Variants in TEX11 observed in about 807,000 individuals in gnomAD.
The protein encoded by TEX11 is testis-expressed protein 11.
TEX11 carries 7 observed loss-of-function variants against 84.4 expected under a neutral mutation model. The observed-to-expected ratio is 0.08, with a 90% CI of 0.05 to 0.16. The LOEUF is 0.16. TEX11 is among the 10% of genes least tolerant of loss of function. The pLI, the probability that TEX11 is intolerant of heterozygous loss-of-function variation, is 1.00. For missense variants in TEX11, 551 were observed against 660.5 expected, an observed-to-expected ratio of 0.83 and a Z score of 1.82; for synonymous variants, 264 against 222.8, an observed-to-expected ratio of 1.18 and a Z score of -1.64.
intron 13 of TEX11, among the ~76,000 whole-genome samples, chrX:70,706,579 C>A (rs2090378954): frequency 9.0e-6 from 1 of 110,892 alleles, no homozygotes; most frequent in Non-Finnish European, 1.9e-5. Flanking sequence ...TATCCTCTAA[C>A]CCCCCCTTTT....
rs368841927 is a variant in TEX11, at chrX:70,620,102, T to C, written c.1751+3848A>G. On this transcript the variant is annotated intron_variant, in intron 20 of 29. Coordinates refer to ENST00000374333, the MANE Select transcript of TEX11 (RefSeq NM_031276.3). ...GCCTCCCAAAGTGCTGGGATTACAG[T>C]TGTGAGCCACAATGCCCGGCCATGT... 5.0e-4 allele frequency among the ~76,000 whole-genome samples: 55 copies of C among 111,071 alleles called. No individual in the cohort carries two copies. The East Asian group carries it at 5.1e-3, about 10-fold the overall frequency.
chrX:70,864,622 G>A (rs1390247235), intron 4 of TEX11, among the ~76,000 whole-genome samples: 1 of 106,310 alleles, frequency 9.4e-6, no homozygotes, highest in African/African-American at 3.4e-5. Context: ...CACACCTGTA[G>A]TCTCAGCTAC....
At chrX:70,804,971 C>CT (rs748863855) in intron 9 of TEX11, among the ~76,000 whole-genome samples, 2,453 of 67,988 alleles carry the variant, frequency 0.036, 13 homozygotes, top group African/African-American at 0.041. Context: ...CACCAGCATC[C>CT]TTTTTTTTTT....
intron 13 of TEX11, among the ~76,000 whole-genome samples, chrX:70,703,032 A>G (rs764527303): frequency 1.2e-4 from 13 of 111,551 alleles, no homozygotes; most frequent in African/African-American, 4.2e-4. Flanking sequence ...AGATATTAAT[A>G]CATTTAGTCC....
chrX:70,737,333 A>T (rs761649406), intron 11 of TEX11, among the ~76,000 whole-genome samples: 1 of 111,258 alleles, frequency 9.0e-6, no homozygotes, highest in Non-Finnish European at 1.9e-5. Flanking sequence ...GTTTTAAGTG[A>T]AAAGAGTATA....
At chrX:70,750,144 T>C (rs1392738956) in intron 9 of TEX11, among the ~76,000 whole-genome samples, 1 of 111,823 alleles carries the variant, frequency 8.9e-6, no homozygotes, top group African/African-American at 3.3e-5. Context: ...AAAGAAGACA[T>C]TTATGCAGCC....
At position 70,717,172 on chromosome X, in the gene TEX11, CA is replaced by C. The variant is rs11430709; in HGVS notation, c.1004+5445del. ...AGCTTGACTGTAAAAGGTGAAATTTCAAAAAAAAAAAAAGATCGCTTAAGAG... is the reference window on the plus strand; with the variant it reads ...AGCTTGACTGTAAAAGGTGAAATTTCAAAAAAAAAAAAGATCGCTTAAGAG... On this transcript the variant is annotated intron_variant, in intron 13 of 29. Coordinates refer to ENST00000374333, the MANE Select transcript of TEX11 (RefSeq NM_031276.3). 7.5e-4 allele frequency among the ~76,000 whole-genome samples: 72 copies of C among 96,292 alleles called. 1 individual carries two copies. The East Asian group carries it at 8.9e-3, about 12-fold the overall frequency. 83.6% of individuals were successfully genotyped at this position (96,292 alleles called of 115,157 possible).
chrX:70,713,141 C>T (rs1234995074), intron 13 of TEX11, among the ~76,000 whole-genome samples: 1 of 111,545 alleles, frequency 9.0e-6, no homozygotes, highest in Non-Finnish European at 1.9e-5. Flanking sequence ...GGGATGAAGC[C>T]CACTTGATCA....
At chrX:70,601,900 G>C (rs1322362441) in intron 24 of TEX11, among the ~76,000 whole-genome samples, 1 of 110,576 alleles carries the variant, frequency 9.0e-6, no homozygotes, top group African/African-American at 3.3e-5. Flanking sequence ...ATTTCTCTTA[G>C]TACAGAACAA....
chrX:70,617,135 C>T (rs1212647292), intron 20 of TEX11, among the ~76,000 whole-genome samples: 7 of 109,972 alleles, frequency 6.4e-5, no homozygotes, highest in Non-Finnish European at 1.9e-5. Context: ...TAAATATATA[C>T]ATCTACTATG....
chrX:70,812,875 C>T (rs1408208301), intron 8 of TEX11, among the ~76,000 whole-genome samples: 1 of 111,302 alleles, frequency 9.0e-6, no homozygotes, highest in East Asian at 2.8e-4. Flanking sequence ...TCAACATATA[C>T]ACTCTCCCAA....
chrX:70,520,568 T>C, the TEX11 span, among the ~76,000 whole-genome samples: 1 of 112,529 alleles, frequency 8.9e-6, no homozygotes, highest in African/African-American at 3.2e-5. Flanking sequence ...CACTGGGAGA[T>C]GTCTCCCAGT....
intron 24 of TEX11, among the ~76,000 whole-genome samples, chrX:70,597,179 T>A (rs950913323): frequency 2.7e-5 from 3 of 112,119 alleles, no homozygotes; most frequent in Non-Finnish European, 5.6e-5. Context: ...AGATATTCCA[T>A]GTTCATGAAT....
At chrX:70,537,495 G>T (rs2087976492) in intron 28 of TEX11, among the ~76,000 whole-genome samples, 1 of 105,254 alleles carries the variant, frequency 9.5e-6, no homozygotes, top group Admixed American at 1.0e-4. Context: ...AAAGAAGAGA[G>T]AAAGAGAGAA....
chrX:70,532,358 A>C (rs1158981106), intron 28 of TEX11, among the ~76,000 whole-genome samples: 1 of 112,154 alleles, frequency 8.9e-6, no homozygotes, highest in Non-Finnish European at 1.9e-5. Context: ...GATATGATGA[A>C]AGTGTAGTTT....
intron 9 of TEX11, among the ~76,000 whole-genome samples, chrX:70,789,012 A>C (rs1177879650): frequency 7.2e-5 from 6 of 83,047 alleles, no homozygotes; most frequent in Non-Finnish European, 1.4e-4. Context: ...AGAGAGAGAG[A>C]GAGCAAGAAA....
At chrX:70,618,971 C>A (rs960256995) in intron 20 of TEX11, among the ~76,000 whole-genome samples, 4 of 111,166 alleles carry the variant, frequency 3.6e-5, no homozygotes, top group African/African-American at 1.3e-4. Context: ...GGGGGTGGGG[C>A]TAAGGAAGTG....
At chrX:70,585,882 A>G (rs1272234094) in intron 25 of TEX11, among the ~76,000 whole-genome samples, 1 of 111,643 alleles carries the variant, frequency 9.0e-6, no homozygotes, top group Non-Finnish European at 1.9e-5. Flanking sequence ...GTGAAACCCT[A>G]CCTCTACTAA....
intron 16 of TEX11, among the ~76,000 whole-genome samples, chrX:70,659,698 A>G (rs983887539): frequency 8.9e-6 from 1 of 112,311 alleles, no homozygotes; most frequent in Non-Finnish European, 1.9e-5. Context: ...TGATTATATT[A>G]TTAGGTAAAT....
Sources: allele counts gnomAD v4.1 joint callset (sites outside exome capture counted in the v4.1 genomes callset), GRCh38; gene constraint gnomAD v4.1.1; transcripts MANE v1.5; gene names NCBI Gene and HGNC (gene_info 2026-07-23, HGNC 2026-07-21).